KLK5: variants seen among roughly 807,000 people sequenced by gnomAD.
KLK5 encodes the protein kallikrein-5.
In KLK5, 18 loss-of-function variants were observed where a neutral mutation model predicts 24.0. The observed-to-expected ratio is 0.75, with a 90% CI of 0.52 to 1.11. The LOEUF is 1.11. Ranked by LOEUF, KLK5 falls within the 50% of genes most tolerant of loss-of-function variation. The probability of loss-of-function intolerance (pLI) is 0.00; values close to 1 mark genes in which losing one functional copy is unlikely to be tolerated. For missense variants in KLK5, 374 were observed against 379.2 expected (o/e 0.99, Z 0.11); for synonymous variants, 140 against 154.0 (o/e 0.91, Z 0.67).
chr19:50,949,777 ACACCCCCACCCCCACTTCCCCACCCC>A, intron 3 of KLK5, 52 bp downstream of exon 3: 1 of 407,322 alleles, frequency 2.5e-6, no homozygotes. Flanking sequence ...CACCTCCATG[ACACCCCCACCCCCACTTCCCCACCCC>A]CACCCCCACT....
intron 2 of KLK5, chr19:50,950,391 T>C: frequency 2.0e-6 from 1 of 502,164 alleles, no homozygotes; most frequent in East Asian, 3.6e-5. Flanking sequence ...GGGTACAGGA[T>C]TCCTGGACAA....
At chr19:50,948,410 A>C (rs935267679) in intron 5 of KLK5, among the ~76,000 whole-genome samples, 1 of 152,186 alleles carries the variant, frequency 6.6e-6, no homozygotes, top group Non-Finnish European at 1.5e-5. Flanking sequence ...GGTGTGAGCC[A>C]CTGCGCCCAG....
At chr19:50,946,436 CA>C (rs55642661) in intron 5 of KLK5, among the ~76,000 whole-genome samples, 28,207 of 152,082 alleles carry the variant, frequency 0.19, 4,057 homozygotes, top group East Asian at 0.81. Context: ...CCAGACCACA[CA>C]CCGGTATGAA....
Position 50,950,093 on chromosome 19 carries a change from CA to C in KLK5, c.96del (p.Asp32GlufsTer55). ...GVTEHVLANN[D>X]VSCDHPSNTV... is the part of the protein sequence containing the mutation. ...GTGTTAGAGGGGTGGTCACAGGAAA[CA>C]TCATTGTTGGCGAGAACATGCTCTG... On this transcript the variant is annotated frameshift_variant, in exon 3 of 6. Transcript: ENST00000336334. LOFTEE classifies it high-confidence loss of function. The C allele has an allele frequency of 6.2e-7, 1 of 1,612,176 alleles. No homozygotes were observed.
chr19:50,950,381 G>T, intron 2 of KLK5: 3 of 529,080 alleles, frequency 5.7e-6, no homozygotes, highest in South Asian at 2.1e-5. Context: ...GGGTAAAATT[G>T]GGTACAGGAT....
At chr19:50,950,446 G>C (rs1219303098) in intron 2 of KLK5, 1 of 410,688 alleles carries the variant, frequency 2.4e-6, no homozygotes. Context: ...GCCTGGGGAT[G>C]GGAGGGAGAC....
intron 3 of KLK5, among the ~76,000 whole-genome samples, chr19:50,949,609 T>A (rs1306756280): frequency 6.6e-6 from 1 of 150,640 alleles, no homozygotes; most frequent in Non-Finnish European, 1.5e-5. Context: ...CACTCTCCCC[T>A]CTCCAACCTC....
Position 50,943,462 on chromosome 19 carries a change from C to G in KLK5, c.*169G>C. 1.7e-6 allele frequency: 1 copy of G among 598,010 alleles called. No individual in the cohort carries two copies. Among genetic ancestry groups the G allele is most frequent in the Non-Finnish European group, 2.9e-6 (1 of 345,944 alleles). 37.0% of individuals were successfully genotyped at this position (598,010 alleles called of 1,614,324 possible). ...TTCCCAGGGTTCAACTAGAGAGACA[C>G]GGTCAGCCCAATGTGGGGGAAGCAG... On this transcript the variant is annotated 3_prime_UTR_variant, in exon 6 of 6. Transcript: ENST00000336334.
chr19:50,946,257 T>C (rs1237923872), intron 5 of KLK5, among the ~76,000 whole-genome samples: 1 of 152,264 alleles, frequency 6.6e-6, no homozygotes, highest in African/African-American at 2.4e-5. Flanking sequence ...TGGCTCCTTG[T>C]TTGTAAAATA....
intron 5 of KLK5, 92 bp downstream of exon 5, chr19:50,948,548 G>T: frequency 7.6e-7 from 1 of 1,307,354 alleles, no homozygotes; most frequent in Non-Finnish European, 1.1e-6. Flanking sequence ...TGACTGTCTT[G>T]GCAATTGCTG....
chr19:50,948,775 T>C lies in KLK5; in HGVS notation c.593-2A>G. The C allele has an allele frequency of 1.9e-6, 3 of 1,614,108 alleles. No homozygotes were observed. The highest frequency in any genetic ancestry group is 2.5e-6 in the Non-Finnish European group (3 of 1,180,014). ...ACTGGAGGACCTTAGGGAAGTGCAC[T>C]GTCAAACAGGAACACAATGAGAAGT... On this transcript the variant is annotated splice_acceptor_variant, in intron 4 of 5. Transcript: ENST00000336334. LOFTEE classifies it high-confidence loss of function.
chr19:50,948,116 T>C (rs2090650987), intron 5 of KLK5, among the ~76,000 whole-genome samples: 1 of 145,160 alleles, frequency 6.9e-6, no homozygotes, highest in East Asian at 1.9e-4. Flanking sequence ...TGTTTCTTTT[T>C]TACTTGTTTT....
rs370424630 is a variant in KLK5 at position 50,949,221 on chromosome 19, C to T, written c.336-106G>A. 521 of 1,155,450 alleles carry T rather than the reference C, an allele frequency of 4.5e-4. No individual in the cohort carries two copies. The African/African-American group carries it at 5.8e-3, about 13-fold the overall frequency. 71.6% of individuals were successfully genotyped at this position (1,155,450 alleles called of 1,614,324 possible). A position where few individuals can be genotyped will look rare whatever the true frequency, so the allele number is the denominator to read the frequency against. ...CCAGCCCCACCCCCATCCCCACCCC[C>T]GGTCCCCAAACCATCCTCAACTCCC... On this transcript the variant is annotated intron_variant, in intron 3 of 5. Coordinates refer to ENST00000336334, the MANE Select transcript of KLK5 (RefSeq NM_012427.5).
At chr19:50,949,316 A>C (rs1243355596) in intron 3 of KLK5, among the ~76,000 whole-genome samples, 2 of 147,622 alleles carry the variant, frequency 1.4e-5, no homozygotes, top group Admixed American at 1.4e-4. Context: ...TCCCAACCCT[A>C]ATTCTTTCCC....
chr19:50,950,426 G>A, intron 2 of KLK5: 1 of 429,114 alleles, frequency 2.3e-6, no homozygotes, highest in South Asian at 2.5e-5. Context: ...CCAAAGCTGT[G>A]GGGGCTGGAG....
rs529973116 is a variant in KLK5 at position 50,946,720 on chromosome 19, C to T, written c.726+1920G>A. Among the ~76,000 whole-genome samples the T allele has an allele frequency of 8.6e-4, 130 of 152,006 alleles. 1 individual carries two copies. The highest frequency in any genetic ancestry group is 2.5e-3 in the Admixed American group (38 of 15,260). On this transcript the variant is annotated intron_variant, in intron 5 of 5. Transcript: ENST00000336334. ...GACTACAGGCGCCTGCCACCACGCC[C>T]GGCTAATTTTTTGTGTTTTTAGTAG...
At position 50,951,517 on chromosome 19, in the gene KLK5, C is replaced by T. The variant is rs138434109; in HGVS notation, c.73+1068G>A. Among the ~76,000 whole-genome samples the T allele has an allele frequency of 7.5e-3, 1,142 of 152,282 alleles. 8 individuals carry two copies. The highest frequency in any genetic ancestry group is 0.012 in the Non-Finnish European group (800 of 68,034). Reference sequence around the variant, plus strand: ...GATCTCCCGACCTCAGGTGATCCGCCTGCCTCGGCCTCCCAAAGGGCTGGG... The same window carrying T: ...GATCTCCCGACCTCAGGTGATCCGCTTGCCTCGGCCTCCCAAAGGGCTGGG... On this transcript the variant is annotated intron_variant, in intron 2 of 5. Transcript: ENST00000336334.
Position 50,943,485 on chromosome 19 carries a change from C to A in KLK5, c.*146G>T. The stretch of plus-strand genomic sequence containing the variant: ...CACGGTCAGCCCAATGTGGGGGAAG[C>A]AGACCCTGAGTCCAGGAGACATGGG... On this transcript the variant is annotated 3_prime_UTR_variant, in exon 6 of 6. Coordinates refer to ENST00000336334, the MANE Select transcript of KLK5 (RefSeq NM_012427.5). 2.7e-6 allele frequency: 2 copies of A among 738,908 alleles called. No individual in the cohort carries two copies. Among genetic ancestry groups the A allele is most frequent in the Non-Finnish European group, 2.2e-6 (1 of 447,860 alleles). The allele number at this position is 738,908 out of a possible 1,614,324, so 45.8% of individuals were successfully genotyped here. A position where few individuals can be genotyped will look rare whatever the true frequency, so the allele number is the denominator to read the frequency against.
At chr19:50,950,734 A>G (rs1258366441) in intron 2 of KLK5, among the ~76,000 whole-genome samples, 1 of 152,066 alleles carries the variant, frequency 6.6e-6, no homozygotes, top group Non-Finnish European at 1.5e-5. Flanking sequence ...TCTACTAAAG[A>G]CACAAAAATT....
Sources: gnomAD v4.1 joint callset for allele counts (sites outside exome capture counted in the v4.1 genomes callset) on GRCh38, gnomAD v4.1.1 for gene constraint, MANE v1.5 for transcripts, NCBI Gene and HGNC (gene_info 2026-07-23, HGNC 2026-07-21) for gene names.